The following SGSM3 variants were observed in gnomAD, a reference collection of about 807,000 sequenced individuals.
The protein encoded by SGSM3 is small G protein signaling modulator 3, also known as RUN and SH3 containing 3.
SGSM3 carries 96 observed loss-of-function variants against 100.5 expected under a neutral mutation model. The observed-to-expected ratio is 0.96, with a 90% CI of 0.81 to 1.13. SGSM3 has a LOEUF of 1.13. Ranked by LOEUF, SGSM3 falls within the 50% of genes most tolerant of loss-of-function variation. The pLI is 0.00. For synonymous variants in SGSM3, 483 were observed against 422.8 expected (o/e 1.14, Z -1.75); for missense variants, 1,001 against 1,015.8 (o/e 0.99, Z 0.20).
intron 1 of SGSM3, among the ~76,000 whole-genome samples, chr22:40,371,635 T>C (rs1454005038): frequency 6.6e-6 from 1 of 152,238 alleles, no homozygotes; most frequent in East Asian, 1.9e-4. Context: ...ACAGTTGAAT[T>C]ACATCTTTGT....
chr22:40,405,059 G>A (rs1465841785), intron 6 of SGSM3, 82 bp from the exon 7 acceptor site: 1 of 1,439,572 alleles, frequency 6.9e-7, no homozygotes, highest in Non-Finnish European at 9.2e-7. Context: ...CCATTTCTGG[G>A]GGAGAAGCCC....
chr22:40,391,514 G>C (rs2049358663), intron 1 of SGSM3, among the ~76,000 whole-genome samples: 1 of 152,214 alleles, frequency 6.6e-6, no homozygotes, highest in South Asian at 2.1e-4. Flanking sequence ...AGGAGGCTGA[G>C]ATGGGAGGAT....
At chr22:40,378,456 C>T (rs967398695) in intron 1 of SGSM3, among the ~76,000 whole-genome samples, 2 of 150,822 alleles carry the variant, frequency 1.3e-5, no homozygotes, top group African/African-American at 2.4e-5. Context: ...TGGCCGGGCA[C>T]GGTGGCTGAT....
intron 1 of SGSM3, among the ~76,000 whole-genome samples, chr22:40,394,645 CAAAAA>C (rs34700924): frequency 4.8e-5 from 4 of 84,134 alleles, no homozygotes; most frequent in East Asian, 4.0e-4. Context: ...ACTCCTGTCT[CAAAAA>C]AAAAAAAAAA....
At chr22:40,396,033 T>C (rs1017614254) in intron 1 of SGSM3, among the ~76,000 whole-genome samples, 2 of 152,216 alleles carry the variant, frequency 1.3e-5, no homozygotes, top group African/African-American at 4.8e-5. Context: ...AACCAGTATT[T>C]GGTACCCTTA....
In SGSM3 at chr22:40,408,434, G is replaced by C; in HGVS notation, c.1782+5G>C. ...CCCTGGCTGTTTATCGAGGAGGTAA[G>C]TCAGTGGCTGGGCCCATGACCCCCA... is the stretch of plus-strand genomic sequence containing the variant. On this transcript the variant is annotated splice_donor_5th_base_variant and intron_variant, in intron 16 of 21. Transcript: ENST00000248929. The C allele has an allele frequency of 6.2e-7, 1 of 1,613,402 alleles. No individual in the cohort carries two copies. Among genetic ancestry groups the C allele is most frequent in the Non-Finnish European group, 8.5e-7 (1 of 1,179,942 alleles).
At chr22:40,396,795 A>C (rs1569183451) in intron 1 of SGSM3, among the ~76,000 whole-genome samples, 3 of 152,132 alleles carry the variant, frequency 2.0e-5, no homozygotes, top group Admixed American at 2.0e-4. Flanking sequence ...AAGAGACCAC[A>C]GGAAATGGAC....
At chr22:40,386,025 G>GTT (rs68008146) in intron 1 of SGSM3, among the ~76,000 whole-genome samples, 24 of 145,192 alleles carry the variant, frequency 1.7e-4, no homozygotes, top group South Asian at 4.5e-4. Context: ...CTAATTTTTT[G>GTT]TTTTTTTTTT....
At chr22:40,371,247 G>A (rs955414128) in intron 1 of SGSM3, among the ~76,000 whole-genome samples, 2 of 152,226 alleles carry the variant, frequency 1.3e-5, no homozygotes, top group African/African-American at 4.8e-5. Flanking sequence ...GGTTAGGACT[G>A]GAATTTTGAA....
At chr22:40,387,238 G>A (rs940149748) in intron 1 of SGSM3, 4 of 398,352 alleles carry the variant, frequency 1.0e-5, no homozygotes, top group Non-Finnish European at 1.8e-5. Flanking sequence ...TGATACCTCC[G>A]TCTACTCACT....
At chr22:40,406,698 G>T in intron 10 of SGSM3, 36 bp downstream of exon 10, 1 of 1,540,220 alleles carries the variant, frequency 6.5e-7, no homozygotes, top group Non-Finnish European at 8.9e-7. Flanking sequence ...TTGACCCACA[G>T]CACACGGGGA....
At position 40,407,663 on chromosome 22, in the gene SGSM3, G is replaced by C. The variant is rs1199398193; in HGVS notation, c.1524+95G>C. 27 of 1,582,672 alleles carry C rather than the reference G, an allele frequency of 1.7e-5. No individual in the cohort carries two copies. Among genetic ancestry groups the C allele is most frequent in the Non-Finnish European group, 1.7e-6 (2 of 1,159,640 alleles). ...CCACCCCAACCCCTTTCCCTGCCAA[G>C]AGCTTCTCTTGTGAAGATGTAGGGG... On this transcript the variant is annotated intron_variant, in intron 13 of 21. Coordinates refer to ENST00000248929, the MANE Select transcript of SGSM3 (RefSeq NM_015705.6). This position sits in a 1 kb window ranked among gnomAD's most constrained non-coding sequence, Gnocchi z 4.7.
rs1236474942 is a variant in SGSM3 at position 40,388,526 on chromosome 22, A to G, written c.-111-12170A>G. Among the ~76,000 whole-genome samples the G allele has an allele frequency of 3.9e-5, 6 of 152,226 alleles. No individual in the cohort carries two copies. In the East Asian group the frequency reaches 5.8e-4, roughly 15 times the overall value. ...GGGCTGCTAGGTCATGCAGGGTCTT[A>G]TAAATCAAGTTAACAAATTTGGACT... On this transcript the variant is annotated intron_variant, in intron 1 of 21. Transcript: ENST00000248929.
intron 1 of SGSM3, among the ~76,000 whole-genome samples, chr22:40,380,367 T>G (rs1289911837): frequency 6.6e-6 from 1 of 150,690 alleles, no homozygotes; most frequent in Non-Finnish European, 1.5e-5. Context: ...ATCTATAATT[T>G]TTTTTTTTTT....
intron 1 of SGSM3, among the ~76,000 whole-genome samples, chr22:40,381,420 AT>A (rs550199753): frequency 2.3e-4 from 35 of 152,316 alleles, no homozygotes; most frequent in African/African-American, 7.9e-4. Flanking sequence ...AAGTGCTGGG[AT>A]AAGAGGAATG....
chr22:40,372,118 C>G (rs1051304181), intron 1 of SGSM3, among the ~76,000 whole-genome samples: 4 of 120,694 alleles, frequency 3.3e-5, no homozygotes, highest in South Asian at 2.9e-4. Context: ...CCTGTCCCCC[C>G]CCCCTTTTTT....
intron 1 of SGSM3, among the ~76,000 whole-genome samples, chr22:40,384,085 A>T (rs959439895): frequency 2.6e-5 from 4 of 152,132 alleles, no homozygotes; most frequent in Non-Finnish European, 5.9e-5. Flanking sequence ...CTTGTCTCTA[A>T]AAATAAAAAT....
intron 19 of SGSM3, 70 bp from the exon 20 acceptor site, chr22:40,409,180 G>T: frequency 3.9e-6 from 6 of 1,556,014 alleles, no homozygotes; most frequent in Non-Finnish European, 5.2e-6. Context: ...CAGGTCAGAG[G>T]CTTCCACCGT....
Position 40,407,313 on chromosome 22 carries a change from CA to C in SGSM3, c.1358del (p.Asn453ThrfsTer6). 2 of 1,613,554 alleles carry C rather than the reference CA, an allele frequency of 1.2e-6. No individual in the cohort carries two copies. ...VARHFQCTDPKNCSVELTPDY... is the reference protein window; with the variant it reads ...VARHFQCTDPXNCSVELTPDY... ...CACGCCACTTCCAGTGCACAGACCC[CA>C]AAAACTGCAGCGTGGTGAGTCGCCA... On this transcript the variant is annotated frameshift_variant, in exon 12 of 22. Transcript: ENST00000248929. LOFTEE classifies it high-confidence loss of function. This position sits in a 1 kb window ranked among gnomAD's most constrained non-coding sequence, Gnocchi z 4.7.
Sources: allele counts gnomAD v4.1 joint callset (sites outside exome capture counted in the v4.1 genomes callset), GRCh38; gene constraint gnomAD v4.1.1; non-coding constraint Gnocchi (gnomAD v3.1); transcripts MANE v1.5; gene names NCBI Gene and HGNC (gene_info 2026-07-23, HGNC 2026-07-21).